MYOF: variants seen among roughly 807,000 people sequenced by gnomAD.
MYOF encodes myoferlin, also known as fer-1-like 3, myoferlin.
A neutral mutation model predicts 284.2 loss-of-function variants in MYOF; 244 were observed. That is an observed-to-expected ratio of 0.86 (90% CI 0.77 to 0.95). The LOEUF (loss-of-function observed/expected upper bound fraction) is 0.95, where lower values mean the gene tolerates loss of function less well. MYOF is among the 40% of genes least tolerant of loss of function. MYOF has a pLI of 0.00. For missense variants in MYOF, 2,496 were observed against 2,560.6 expected (o/e 0.97, Z 0.54); for synonymous variants, 904 against 919.7 (o/e 0.98, Z 0.31).
intron 50 of MYOF, 135 bp from the exon 51 acceptor site, chr10:93,313,345 G>A (rs1003232731): frequency 1.3e-6 from 1 of 760,854 alleles, no homozygotes; most frequent in African/African-American, 1.8e-5. Context: ...TAGAGAAAGG[G>A]AGCCTGGTGG....
At chr10:93,346,637 T>C (rs1844195421) in intron 37 of MYOF, among the ~76,000 whole-genome samples, 3 of 152,372 alleles carry the variant, frequency 2.0e-5, no homozygotes, top group African/African-American at 7.2e-5. Flanking sequence ...ATTAATTATA[T>C]GTGATAATGA....
At position 93,337,902 on chromosome 10, in the gene MYOF, G is replaced by A. The variant is rs1433218315; in HGVS notation, c.4350C>T (p.Ile1450=). Residue 1450 remains isoleucine, a synonymous_variant, in exon 40 of 54, where the codon ATC becomes ATT. Coordinates refer to ENST00000359263, the MANE Select transcript of MYOF (RefSeq NM_013451.4). ...ASKLTEKEEE[I]VDWWSKFYAS... ...CATAAAATTTACTCCACCAGTCCAC[G>A]ATTTCTTCCTCCTAAAGACATGCCA... 2.5e-6 allele frequency: 4 copies of A among 1,613,318 alleles called. No homozygotes were observed. Among genetic ancestry groups the A allele is most frequent in the African/African-American group, 1.3e-5 (1 of 74,852 alleles).
intron 17 of MYOF, among the ~76,000 whole-genome samples, chr10:93,391,056 C>A (rs1227573916): frequency 6.6e-6 from 1 of 152,230 alleles, no homozygotes; most frequent in Non-Finnish European, 1.5e-5. Flanking sequence ...TTCTCCTCCA[C>A]CTGGTTCCCT....
chr10:93,343,326 A>T (rs1171054261), intron 38 of MYOF, among the ~76,000 whole-genome samples: 2 of 151,064 alleles, frequency 1.3e-5, no homozygotes, highest in Non-Finnish European at 3.0e-5. Flanking sequence ...AAATAAAAAA[A>T]CCTGGGTGTC....
At chr10:93,310,774 C>T (rs1589368167) in intron 51 of MYOF, 131 bp from the exon 52 acceptor site, 6 of 803,254 alleles carry the variant, frequency 7.5e-6, no homozygotes, top group Non-Finnish European at 9.7e-6. Flanking sequence ...CTTCAGTTTT[C>T]CTCAAGAGAT....
intron 19 of MYOF, among the ~76,000 whole-genome samples, chr10:93,386,866 G>A (rs149964649): frequency 2.0e-5 from 3 of 152,290 alleles, no homozygotes; most frequent in Non-Finnish European, 4.4e-5. Flanking sequence ...GCCCTGGCTC[G>A]CTGGAGAACT....
intron 16 of MYOF, among the ~76,000 whole-genome samples, chr10:93,394,617 C>T (rs942869727): frequency 6.6e-6 from 1 of 151,138 alleles, no homozygotes; most frequent in Non-Finnish European, 1.5e-5. Flanking sequence ...CCCACCACCA[C>T]GCCCGGAGAA....
chr10:93,429,494 G>A (rs1307849374), intron 4 of MYOF, among the ~76,000 whole-genome samples: 1 of 152,070 alleles, frequency 6.6e-6, no homozygotes, highest in Non-Finnish European at 1.5e-5. Flanking sequence ...AAAAAAGAAG[G>A]CAGAAAAATC....
chr10:93,333,344 A>G, intron 42 of MYOF, 32 bp from the exon 43 acceptor site: 1 of 1,574,930 alleles, frequency 6.3e-7, no homozygotes, highest in South Asian at 1.1e-5. Context: ...ATGTTACATC[A>G]TTGTAGGGCG....
intron 49 of MYOF, among the ~76,000 whole-genome samples, chr10:93,318,212 G>C (rs981374005): frequency 3.5e-4 from 54 of 152,146 alleles, no homozygotes; most frequent in African/African-American, 1.3e-3. Flanking sequence ...CTTGATCCTT[G>C]GAGTTCGAGA....
chr10:93,459,753 C>A (rs754451495), intron 1 of MYOF, among the ~76,000 whole-genome samples: 2 of 152,206 alleles, frequency 1.3e-5, no homozygotes, highest in Non-Finnish European at 2.9e-5. Context: ...CTCTAATACA[C>A]AAAATATTGC....
At chr10:93,429,468 T>C (rs1240272995) in intron 4 of MYOF, among the ~76,000 whole-genome samples, 2 of 152,226 alleles carry the variant, frequency 1.3e-5, no homozygotes, top group Admixed American at 6.5e-5. Flanking sequence ...CTACATATGC[T>C]TTCTTCTGTG....
At chr10:93,387,248 C>A (rs1188737042) in intron 19 of MYOF, among the ~76,000 whole-genome samples, 2 of 152,190 alleles carry the variant, frequency 1.3e-5, no homozygotes, top group Non-Finnish European at 2.9e-5. Context: ...TGATTTGCAA[C>A]CCAGCAAGGA....
chr10:93,403,275 T>C (rs578102314), intron 9 of MYOF, among the ~76,000 whole-genome samples: 14 of 152,240 alleles, frequency 9.2e-5, no homozygotes, highest in Admixed American at 6.5e-4. Context: ...TCCTCCTCCT[T>C]CTCCTCCAGC....
At chr10:93,460,824 G>A (rs751104190) in intron 1 of MYOF, among the ~76,000 whole-genome samples, 7 of 150,868 alleles carry the variant, frequency 4.6e-5, no homozygotes, top group East Asian at 2.0e-4. Flanking sequence ...GGCCAGGTGC[G>A]GTGGCTGACA....
At chr10:93,414,926 T>G (rs1026621190) in intron 5 of MYOF, among the ~76,000 whole-genome samples, 1 of 152,092 alleles carries the variant, frequency 6.6e-6, no homozygotes, top group Non-Finnish European at 1.5e-5. Context: ...GTATTTTTAG[T>G]AGAGACGGGG....
At chr10:93,395,657 A>T (rs1414614776) in intron 16 of MYOF, among the ~76,000 whole-genome samples, 1 of 152,070 alleles carries the variant, frequency 6.6e-6, no homozygotes, top group Non-Finnish European at 1.5e-5. Context: ...GACCAAATAC[A>T]CATTATCTTA....
In MYOF at chr10:93,380,341, T is replaced by C. The variant is rs192471212; in HGVS notation, c.1877-354A>G. On this transcript the variant is annotated intron_variant, in intron 20 of 53. Coordinates refer to ENST00000359263, the MANE Select transcript of MYOF (RefSeq NM_013451.4). ...ACTGAACATGTTAGTCCCTAAAAACTGTTATTCTAAATAAATGTTTTTGTT... is the reference window on the plus strand; with the variant it reads ...ACTGAACATGTTAGTCCCTAAAAACCGTTATTCTAAATAAATGTTTTTGTT... 2.8e-4 allele frequency among the ~76,000 whole-genome samples: 43 copies of C among 152,292 alleles called. No individual in the cohort carries two copies. The East Asian group carries it at 6.8e-3, about 24-fold the overall frequency.
intron 2 of MYOF, among the ~76,000 whole-genome samples, chr10:93,455,437 G>A (rs2056722394): frequency 6.6e-6 from 1 of 152,116 alleles, no homozygotes; most frequent in African/African-American, 2.4e-5. Flanking sequence ...GGAGTCTGAA[G>A]CAGGTGGATC....
Sources: gnomAD v4.1 joint callset for allele counts (sites outside exome capture counted in the v4.1 genomes callset) on GRCh38, gnomAD v4.1.1 for gene constraint, MANE v1.5 for transcripts, NCBI Gene and HGNC (gene_info 2026-07-23, HGNC 2026-07-21) for gene names.